SDK2: variants seen among roughly 807,000 people sequenced by gnomAD.
SDK2 encodes the protein sidekick cell adhesion molecule 2, also known as protein sidekick-2.
SDK2 carries 105 observed loss-of-function variants against 253.9 expected under a neutral mutation model. That is an observed-to-expected ratio of 0.41 (90% CI 0.35 to 0.49). The LOEUF is 0.49. Ranked by LOEUF, SDK2 falls within the 20% of genes least tolerant of loss-of-function variation. The pLI is 0.06. For missense variants in SDK2, 2,608 were observed against 3,003.0 expected (o/e 0.87, Z 3.07); for synonymous variants, 1,249 against 1,234.9 (o/e 1.01, Z -0.24).
In SDK2 at chr17:73,618,268, C is replaced by G. The variant is rs1442466498; in HGVS notation, c.64+25757G>C. On this transcript the variant is annotated intron_variant, in intron 1 of 44. Transcript: ENST00000392650. This position sits in a 1 kb window ranked among gnomAD's most constrained non-coding sequence, Gnocchi z 4.1. ...AATTAGACCCCATACCTTTGCCCAGCCTCATTTTATGTTTTGCTTCTGGCT... is the reference window on the plus strand; with the variant it reads ...AATTAGACCCCATACCTTTGCCCAGGCTCATTTTATGTTTTGCTTCTGGCT... Among the ~76,000 whole-genome samples the G allele has an allele frequency of 1.3e-5, 2 of 152,184 alleles. No individual in the cohort carries two copies. Among genetic ancestry groups the G allele is most frequent in the Non-Finnish European group, 2.9e-5 (2 of 68,036 alleles).
At chr17:73,524,654 C>G (rs577481181) in intron 1 of SDK2, among the ~76,000 whole-genome samples, 2 of 152,348 alleles carry the variant, frequency 1.3e-5, no homozygotes, top group African/African-American at 2.4e-5. Context: ...TCTGTGCTCT[C>G]TGTGTGTGAT....
chr17:73,561,254 C>T (rs907291496), intron 1 of SDK2, among the ~76,000 whole-genome samples: 2 of 152,178 alleles, frequency 1.3e-5, no homozygotes, highest in South Asian at 2.1e-4. Flanking sequence ...AGGGCCGATG[C>T]CTTCCACCCA....
chr17:73,391,414 G>A (rs769627250), intron 28 of SDK2, 26 bp downstream of exon 28: 150 of 1,254,140 alleles, frequency 1.2e-4, no homozygotes, highest in Non-Finnish European at 1.3e-4. Flanking sequence ...TCCTGCAGCC[G>A]GGGCACGGGA....
intron 40 of SDK2, among the ~76,000 whole-genome samples, chr17:73,354,528 C>T (rs933693345): frequency 2.0e-5 from 3 of 152,132 alleles, no homozygotes; most frequent in Non-Finnish European, 2.9e-5. Context: ...GTGCGTCTTC[C>T]TGCTGGTGGC....
At chr17:73,393,409 G>A in intron 27 of SDK2, 151 bp downstream of exon 27, 1 of 561,270 alleles carries the variant, frequency 1.8e-6, no homozygotes, top group Non-Finnish European at 2.9e-6. Flanking sequence ...CAGTGGGGCT[G>A]GTAGCTCTGG....
intron 1 of SDK2, among the ~76,000 whole-genome samples, chr17:73,626,185 T>C (rs1016448858): frequency 1.9e-4 from 29 of 152,186 alleles, no homozygotes; most frequent in African/African-American, 6.5e-4. Context: ...GGAAGGACCT[T>C]CTGAGAGGGC....
At chr17:73,426,614 T>G (rs527934436) in intron 12 of SDK2, among the ~76,000 whole-genome samples, 1 of 152,160 alleles carries the variant, frequency 6.6e-6, no homozygotes, top group Admixed American at 6.5e-5. Flanking sequence ...AAGGACAAAT[T>G]CTCAGCAGTG....
intron 1 of SDK2, among the ~76,000 whole-genome samples, chr17:73,512,368 C>T (rs1303226021): frequency 1.3e-5 from 2 of 152,132 alleles, no homozygotes; most frequent in Non-Finnish European, 2.9e-5. Flanking sequence ...AGTGGCTCCC[C>T]TCAGCCTTAG....
chr17:73,607,495 G>A (rs561888628), intron 1 of SDK2, among the ~76,000 whole-genome samples: 1 of 152,192 alleles, frequency 6.6e-6, no homozygotes, highest in East Asian at 1.9e-4. Context: ...GGGAGCTCAT[G>A]AAAAAAAGCA....
At chr17:73,495,326 G>T (rs889642419) in intron 2 of SDK2, among the ~76,000 whole-genome samples, 3 of 152,226 alleles carry the variant, frequency 2.0e-5, no homozygotes, top group Admixed American at 1.3e-4. Flanking sequence ...ACAGGTGGCA[G>T]CATCTGGAGA....
At chr17:73,356,082 G>A (rs2062589962) in intron 40 of SDK2, among the ~76,000 whole-genome samples, 1 of 152,194 alleles carries the variant, frequency 6.6e-6, no homozygotes, top group African/African-American at 2.4e-5. Flanking sequence ...CCAAGGCCTG[G>A]AGGAAGCTTC....
intron 33 of SDK2, among the ~76,000 whole-genome samples, chr17:73,382,663 C>T (rs1031190268): frequency 2.0e-5 from 3 of 152,244 alleles, no homozygotes; most frequent in Non-Finnish European, 4.4e-5. Flanking sequence ...TCCGCCAATG[C>T]GGAATACTAA....
At chr17:73,587,179 C>A (rs997766358) in intron 1 of SDK2, among the ~76,000 whole-genome samples, 1 of 152,194 alleles carries the variant, frequency 6.6e-6, no homozygotes, top group African/African-American at 2.4e-5. Context: ...CCTTGGAATT[C>A]CATCTCCAGG....
chr17:73,620,586 G>A (rs2143192605), intron 1 of SDK2, among the ~76,000 whole-genome samples: 1 of 152,330 alleles, frequency 6.6e-6, no homozygotes, highest in South Asian at 2.1e-4. Flanking sequence ...ACCTATTCAT[G>A]CACTGTGAAC....
At chr17:73,549,656 G>A (rs991422795) in intron 1 of SDK2, among the ~76,000 whole-genome samples, 3 of 151,974 alleles carry the variant, frequency 2.0e-5, no homozygotes, top group African/African-American at 7.3e-5. Context: ...AAGCAGAGAT[G>A]GGGGCAAGTT....
At chr17:73,509,605 C>T (rs1465201773) in intron 1 of SDK2, among the ~76,000 whole-genome samples, 1 of 139,418 alleles carries the variant, frequency 7.2e-6, no homozygotes, top group Non-Finnish European at 1.5e-5. Flanking sequence ...GATTGGGCGA[C>T]ATGGTGAGAC....
intron 44 of SDK2, among the ~76,000 whole-genome samples, chr17:73,344,387 C>T (rs947533791): frequency 2.0e-5 from 3 of 152,160 alleles, no homozygotes; most frequent in Non-Finnish European, 2.9e-5. Flanking sequence ...CAGTGAAGGC[C>T]TCTTTCCTTC....
intron 1 of SDK2, among the ~76,000 whole-genome samples, chr17:73,632,512 C>T (rs1479961759): frequency 6.6e-6 from 1 of 152,232 alleles, no homozygotes; most frequent in African/African-American, 2.4e-5. Flanking sequence ...GAAGGCTGCA[C>T]TGTCGGCTTC....
At chr17:73,386,400 C>T (rs1488740766) in intron 31 of SDK2, 45 bp downstream of exon 31, 1 of 1,347,754 alleles carries the variant, frequency 7.4e-7, no homozygotes, top group Admixed American at 2.0e-5. Context: ...GCCCAGGAAG[C>T]AGCCAGTGGG....
Sources: gnomAD v4.1 joint callset for allele counts (sites outside exome capture counted in the v4.1 genomes callset) on GRCh38, gnomAD v4.1.1 for gene constraint, Gnocchi (gnomAD v3.1) non-coding constraint, MANE v1.5 for transcripts, NCBI Gene and HGNC (gene_info 2026-07-23, HGNC 2026-07-21) for gene names.